The following MCPH1 variants were observed in gnomAD, a reference collection of about 807,000 sequenced individuals.
MCPH1 encodes the protein microcephalin 1.
In MCPH1, 104 loss-of-function variants were observed where a neutral mutation model predicts 84.5. The ratio of observed to expected loss-of-function variants is 1.23; its 90% CI spans 1.05 to 1.45. MCPH1 has a LOEUF of 1.45. Ranked by LOEUF, MCPH1 falls within the 40% of genes most tolerant of loss-of-function variation. MCPH1 has a pLI of 0.00. For missense variants in MCPH1, 1,498 were observed against 1,005.7 expected (o/e 1.49, Z -6.62); for synonymous variants, 514 against 366.8 (o/e 1.40, Z -4.58).
At chr8:6,549,538 AC>A (rs1001729966) in intron 12 of MCPH1, among the ~76,000 whole-genome samples, 1 of 151,868 alleles carries the variant, frequency 6.6e-6, no homozygotes, top group African/African-American at 2.4e-5. Context: ...ACAGGTGCGC[AC>A]ATATATGGAT....
At chr8:6,407,147 C>G (rs375979850) in intron 1 of MCPH1, 7 of 227,944 alleles carry the variant, frequency 3.1e-5, no homozygotes, top group South Asian at 2.7e-4. Context: ...GTCCTGCCCT[C>G]CGGAAGTTGG....
intron 8 of MCPH1, among the ~76,000 whole-genome samples, chr8:6,449,685 G>A (rs1804858412): frequency 6.6e-6 from 1 of 151,992 alleles, no homozygotes; most frequent in Non-Finnish European, 1.5e-5. Context: ...CTTGCACTCA[G>A]TCTGAAAAGT....
At chr8:6,459,938 G>A (rs147070414) in intron 9 of MCPH1, among the ~76,000 whole-genome samples, 1 of 152,346 alleles carries the variant, frequency 6.6e-6, no homozygotes, top group African/African-American at 2.4e-5. Flanking sequence ...GGGGATGGAT[G>A]CAGAACCGCG....
At chr8:6,534,625 A>G (rs1264813770) in intron 12 of MCPH1, among the ~76,000 whole-genome samples, 1 of 152,204 alleles carries the variant, frequency 6.6e-6, no homozygotes, top group Non-Finnish European at 1.5e-5. Flanking sequence ...TTAAAAAATT[A>G]AAGTATTAAA....
chr8:6,519,445 A>G (rs1816886521), intron 12 of MCPH1, among the ~76,000 whole-genome samples: 2 of 152,226 alleles, frequency 1.3e-5, no homozygotes, highest in Admixed American at 6.5e-5. Context: ...CTGAAAAATG[A>G]CTTTGACACA....
chr8:6,414,628 G>A (rs1799002325), intron 2 of MCPH1, 137 bp from the exon 3 acceptor site: 2 of 829,974 alleles, frequency 2.4e-6, no homozygotes, highest in African/African-American at 3.4e-5. Context: ...GTTTTAAGCA[G>A]CGTTATGCAT....
At chr8:6,504,304 T>C (rs560368080) in intron 12 of MCPH1, among the ~76,000 whole-genome samples, 167 of 113,526 alleles carry the variant, frequency 1.5e-3, no homozygotes, top group African/African-American at 3.0e-3. Context: ...GGCGACAGAG[T>C]GAGACTCCAG....
chr8:6,432,276 A>G (rs1801953960), intron 4 of MCPH1, among the ~76,000 whole-genome samples: 1 of 152,218 alleles, frequency 6.6e-6, no homozygotes, highest in Non-Finnish European at 1.5e-5. Context: ...CCTCCCATGT[A>G]CTTTAAGTAA....
At chr8:6,530,567 C>CTAA (rs3045059) in intron 12 of MCPH1, among the ~76,000 whole-genome samples, 100,046 of 148,248 alleles carry the variant, frequency 0.67, 34,233 homozygotes, top group Non-Finnish European at 0.72. Context: ...TTGGTCCAAC[C>CTAA]TAATAATTCG....
intron 12 of MCPH1, among the ~76,000 whole-genome samples, chr8:6,504,997 CCTT>C (rs1812998133): frequency 6.6e-6 from 1 of 151,448 alleles, no homozygotes; most frequent in South Asian, 2.1e-4. Flanking sequence ...GTATGATACT[CCTT>C]ATATTAATTT....
intron 9 of MCPH1, among the ~76,000 whole-genome samples, chr8:6,460,403 TG>T (rs1216612796): frequency 6.6e-6 from 1 of 152,032 alleles, no homozygotes; most frequent in African/African-American, 2.4e-5. Flanking sequence ...TTTGTAGAGA[TG>T]GGGGTCTCTC....
Position 6,477,096 on chromosome 8 carries a change from A to C in MCPH1, c.1936-498A>C, listed in dbSNP as rs1032426477. ...TCAATTCCAGTTGATAGCAGATGTCAATAGAACAAATAAGTTCCCTTATCC... is the reference window on the plus strand; with the variant it reads ...TCAATTCCAGTTGATAGCAGATGTCCATAGAACAAATAAGTTCCCTTATCC... On this transcript the variant is annotated intron_variant, in intron 9 of 13. Transcript: ENST00000344683. Among the ~76,000 whole-genome samples the C allele has an allele frequency of 1.3e-5, 2 of 152,142 alleles. 1 individual carries two copies. Among genetic ancestry groups the C allele is most frequent in the African/African-American group, 4.8e-5 (2 of 41,426 alleles).
At chr8:6,438,231 G>A (rs879458492) in intron 5 of MCPH1, among the ~76,000 whole-genome samples, 14 of 152,116 alleles carry the variant, frequency 9.2e-5, no homozygotes, top group Non-Finnish European at 1.9e-4. Context: ...GACCAAATAT[G>A]TATCGTAATT....
Position 6,596,596 on chromosome 8 carries a change from A to G in MCPH1, c.2215-24858A>G, listed in dbSNP as rs550839669. Among the ~76,000 whole-genome samples the G allele has an allele frequency of 5.9e-5, 9 of 152,132 alleles. No homozygotes were observed. The South Asian group carries it at 1.9e-3, about 32-fold the overall frequency. ...TCTGGAGCCAGCGTGGAGGTGCAGG[A>G]GCTCGTGAGTATGAGGGCATGATGA... On this transcript the variant is annotated intron_variant, in intron 12 of 13. Coordinates refer to ENST00000344683, the MANE Select transcript of MCPH1 (RefSeq NM_024596.5).
chr8:6,602,963 G>T (rs1455568493), intron 12 of MCPH1, among the ~76,000 whole-genome samples: 2 of 151,874 alleles, frequency 1.3e-5, no homozygotes, highest in African/African-American at 4.9e-5. Flanking sequence ...AGGCGCATGT[G>T]TGTGCCCTTG....
chr8:6,612,133 G>A (rs1220184462), intron 12 of MCPH1, among the ~76,000 whole-genome samples: 1 of 152,166 alleles, frequency 6.6e-6, no homozygotes, highest in Non-Finnish European at 1.5e-5. Context: ...AAATGATGAA[G>A]GACGTTCTTC....
intron 12 of MCPH1, among the ~76,000 whole-genome samples, chr8:6,520,308 T>G (rs998376814): frequency 2.0e-5 from 3 of 152,226 alleles, no homozygotes; most frequent in East Asian, 3.8e-4. Flanking sequence ...ATTATTACTT[T>G]TGAAGATCTT....
chr8:6,466,550 G>A (rs1046652124), intron 9 of MCPH1, among the ~76,000 whole-genome samples: 2 of 151,952 alleles, frequency 1.3e-5, no homozygotes, highest in Non-Finnish European at 2.9e-5. Flanking sequence ...CTCGTGATCC[G>A]CCCGCCTTGG....
intron 9 of MCPH1, among the ~76,000 whole-genome samples, chr8:6,464,177 G>A (rs1312678583): frequency 6.6e-6 from 1 of 152,178 alleles, no homozygotes; most frequent in Non-Finnish European, 1.5e-5. Context: ...GATCGAAGGT[G>A]CCCTTGGTTT....
Sources: allele counts gnomAD v4.1 joint callset (sites outside exome capture counted in the v4.1 genomes callset), GRCh38; gene constraint gnomAD v4.1.1; transcripts MANE v1.5; gene names NCBI Gene and HGNC (gene_info 2026-07-23, HGNC 2026-07-21).